Variants in GNAO1 observed in about 807,000 individuals in gnomAD.
GNAO1 encodes the protein G protein subunit alpha o1, also known as guanine nucleotide-binding protein G(o) subunit alpha.
For synonymous variants in GNAO1, 164 were observed against 180.7 expected (o/e 0.91, Z 0.74); for missense variants, 166 against 478.7 (o/e 0.35, Z 6.10).
chr16:56,297,048 C>T (rs2037293944), intron 3 of GNAO1, among the ~76,000 whole-genome samples: 1 of 152,194 alleles, frequency 6.6e-6, no homozygotes, highest in Admixed American at 6.5e-5. Context: ...AGTACTAATA[C>T]TCCTGGAAGG....
chr16:56,351,669 G>T lies in GNAO1; in HGVS notation c.877+132G>T. 1 of 688,458 alleles carries T rather than the reference G, an allele frequency of 1.5e-6. No homozygotes were observed. Among genetic ancestry groups the T allele is most frequent in the Non-Finnish European group, 2.5e-6 (1 of 407,360 alleles). The allele number at this position is 688,458 out of a possible 1,614,324, so 42.6% of individuals were successfully genotyped here. A position where few individuals can be genotyped will look rare whatever the true frequency, so the allele number is the denominator to read the frequency against. On this transcript the variant is annotated intron_variant, in intron 7 of 8. Transcript: ENST00000262493. The surrounding 1 kb of genome is among the most constrained non-coding windows in gnomAD (Gnocchi z 6.1). ...GGACCCATTGCAGGAGACTGGTGGGGCGCAAAAGAAAAACAGTGCTGTGCC... is the reference window on the plus strand; with the variant it reads ...GGACCCATTGCAGGAGACTGGTGGGTCGCAAAAGAAAAACAGTGCTGTGCC...
At chr16:56,210,541 A>T (rs2036376334) in intron 2 of GNAO1, among the ~76,000 whole-genome samples, 1 of 152,240 alleles carries the variant, frequency 6.6e-6, no homozygotes, top group African/African-American at 2.4e-5. Flanking sequence ...TACCAGCAAC[A>T]AATGCGAGTT....
At chr16:56,339,025 G>T (rs183456451) in intron 6 of GNAO1, among the ~76,000 whole-genome samples, 1 of 152,254 alleles carries the variant, frequency 6.6e-6, no homozygotes, top group Non-Finnish European at 1.5e-5. Flanking sequence ...CTTCCCCAAG[G>T]CTGGCCACCT....
At chr16:56,259,409 C>T (rs559844853) in intron 2 of GNAO1, among the ~76,000 whole-genome samples, 1 of 152,256 alleles carries the variant, frequency 6.6e-6, no homozygotes, top group South Asian at 2.1e-4. Flanking sequence ...TCTACCCCTT[C>T]TCACCATCCT....
chr16:56,208,958 A>G (rs1585706), intron 2 of GNAO1, among the ~76,000 whole-genome samples: 92,679 of 151,898 alleles, frequency 0.61, 28,589 homozygotes, highest in East Asian at 0.71. Context: ...ATGGTGTTTT[A>G]TGCTAAACAG....
intron 2 of GNAO1, among the ~76,000 whole-genome samples, chr16:56,224,236 CT>C (rs2036515275): frequency 6.6e-6 from 1 of 152,184 alleles, no homozygotes; most frequent in Non-Finnish European, 1.5e-5. Flanking sequence ...GGCCTGGCCC[CT>C]GGTACAGCGT....
chr16:56,300,765 C>A (rs1314265421), intron 3 of GNAO1: 2 of 152,180 alleles, frequency 1.3e-5, no homozygotes, highest in African/African-American at 4.8e-5. Context: ...AAATCAGCAT[C>A]CTGCTCCCAC....
chr16:56,238,065 C>T (rs369694635), intron 2 of GNAO1, among the ~76,000 whole-genome samples: 3 of 152,168 alleles, frequency 2.0e-5, no homozygotes, highest in South Asian at 4.1e-4. Context: ...GGCTGAGGCT[C>T]GTGACAGAGG....
At chr16:56,339,891 A>C (rs921756725) in intron 6 of GNAO1, 1 of 152,436 alleles carries the variant, frequency 6.6e-6, no homozygotes, top group Non-Finnish European at 1.5e-5. Flanking sequence ...GCAGGTTCTC[A>C]GGGCACCGCT....
At chr16:56,257,115 CCA>C (rs1181384584) in intron 2 of GNAO1, among the ~76,000 whole-genome samples, 1 of 152,140 alleles carries the variant, frequency 6.6e-6, no homozygotes, top group Non-Finnish European at 1.5e-5. Flanking sequence ...AATGTCATGC[CCA>C]GTCTTCAGTA....
chr16:56,333,345 G>A (rs28427237), intron 4 of GNAO1, among the ~76,000 whole-genome samples: 49,813 of 151,594 alleles, frequency 0.33, 8,494 homozygotes, highest in South Asian at 0.4. Flanking sequence ...CCTGAGTGCT[G>A]GGATTATAGG....
intron 2 of GNAO1, among the ~76,000 whole-genome samples, chr16:56,203,924 C>T (rs1402378078): frequency 6.6e-6 from 1 of 152,134 alleles, no homozygotes; most frequent in Non-Finnish European, 1.5e-5. Flanking sequence ...TATAGGGTTC[C>T]CTGATAGTTT....
At chr16:56,255,153 T>TTCAGTC (rs1398630103) in intron 2 of GNAO1, among the ~76,000 whole-genome samples, 2 of 152,184 alleles carry the variant, frequency 1.3e-5, no homozygotes, top group East Asian at 3.9e-4. Flanking sequence ...ATTTTCAGAG[T>TTCAGTC]CCTTCTTTAG....
chr16:56,340,980 A>C (rs779793623), intron 6 of GNAO1: 1 of 1,613,542 alleles, frequency 6.2e-7, no homozygotes, highest in East Asian at 2.2e-5. Context: ...GCTTTCCTGA[A>C]TATACAGGTA....
chr16:56,234,905 G>T (rs1567448671), intron 2 of GNAO1: 2 of 187,562 alleles, frequency 1.1e-5, no homozygotes, highest in South Asian at 2.2e-4. Flanking sequence ...GGTGGGCAGT[G>T]TGTGGCCATC....
intron 3 of GNAO1, among the ~76,000 whole-genome samples, chr16:56,277,216 A>G (rs1263486999): frequency 6.6e-6 from 1 of 152,202 alleles, no homozygotes; most frequent in East Asian, 1.9e-4. Flanking sequence ...GAAGCTGGGC[A>G]CTAGCAGGGG....
At chr16:56,225,960 T>G (rs1007249461) in intron 2 of GNAO1, among the ~76,000 whole-genome samples, 8 of 150,650 alleles carry the variant, frequency 5.3e-5, no homozygotes, top group Non-Finnish European at 1.2e-4. Flanking sequence ...CATGGAAAGG[T>G]GTGGGGAAAA....
intron 3 of GNAO1, among the ~76,000 whole-genome samples, chr16:56,327,281 G>A (rs17281984): frequency 0.018 from 2,759 of 152,132 alleles, 39 homozygotes; most frequent in Admixed American, 0.027. Flanking sequence ...GCAGAAACAC[G>A]GCCTCTCAAG....
chr16:56,261,067 C>T (rs1596827000), intron 2 of GNAO1, among the ~76,000 whole-genome samples: 1 of 152,202 alleles, frequency 6.6e-6, no homozygotes, highest in South Asian at 2.1e-4. Context: ...CATCTTTGTC[C>T]AGCAAAAGTT....
Sources: gnomAD v4.1 joint callset for allele counts (sites outside exome capture counted in the v4.1 genomes callset) on GRCh38, gnomAD v4.1.1 for gene constraint, Gnocchi (gnomAD v3.1) non-coding constraint, MANE v1.5 for transcripts, NCBI Gene and HGNC (gene_info 2026-07-23, HGNC 2026-07-21) for gene names.